The following USP6NL variants were observed in gnomAD, a reference collection of about 807,000 sequenced individuals.
USP6NL encodes USP6 N-terminal like.
Under a neutral mutation model 61.9 loss-of-function variants are expected in USP6NL, and 26 were observed. The ratio of observed to expected loss-of-function variants is 0.42; its 90% CI spans 0.31 to 0.58. The LOEUF is 0.58. Ranked by LOEUF, USP6NL falls within the 20% of genes least tolerant of loss-of-function variation. USP6NL has a pLI of 0.16. For missense variants in USP6NL, 1,114 were observed against 1,034.3 expected, an observed-to-expected ratio of 1.08 and a Z score of -1.06; for synonymous variants, 432 against 390.1, an observed-to-expected ratio of 1.11 and a Z score of -1.27.
chr10:11,566,762 A>T (rs910006473), intron 2 of USP6NL, among the ~76,000 whole-genome samples: 1 of 152,236 alleles, frequency 6.6e-6, no homozygotes, highest in African/African-American at 2.4e-5. Context: ...GAGAGTTCAG[A>T]CCATATTCTT....
chr10:11,462,467 A>C lies in USP6NL; in HGVS notation c.2461T>G (p.Ser821Ala). The C allele has an allele frequency of 6.2e-7, 1 of 1,613,692 alleles. No individual in the cohort carries two copies. The highest frequency in any genetic ancestry group is 8.5e-7 in the Non-Finnish European group (1 of 1,179,864). ...AYHYRNRDGL[S>A]IQESVLL ...CACAGCAACACTGACTCTTGGATGG[A>C]AAGCCCGTCCCGATTCCTGTAGTGG... Residue 821 changes from serine to alanine, a missense_variant, in exon 15 of 15, where the codon TCC becomes GCC. Coordinates refer to ENST00000609104, the MANE Select transcript of USP6NL (RefSeq NM_014688.5).
intron 2 of USP6NL, among the ~76,000 whole-genome samples, chr10:11,538,302 T>C (rs1345198773): frequency 6.6e-6 from 1 of 152,176 alleles, no homozygotes; most frequent in East Asian, 1.9e-4. Context: ...TGCTCCACCT[T>C]ACCACTGCCC....
chr10:11,554,342 C>T (rs1264274697), intron 2 of USP6NL, among the ~76,000 whole-genome samples: 2 of 152,200 alleles, frequency 1.3e-5, no homozygotes, highest in Admixed American at 1.3e-4. Context: ...AATCTGAGCC[C>T]TTTAACTCCT....
At chr10:11,593,988 A>AC (rs1056119662) in intron 2 of USP6NL, among the ~76,000 whole-genome samples, 5 of 152,218 alleles carry the variant, frequency 3.3e-5, no homozygotes, top group African/African-American at 7.2e-5. Flanking sequence ...CCAGAAAAAT[A>AC]TTGGGGGGGA....
intron 13 of USP6NL, among the ~76,000 whole-genome samples, chr10:11,484,156 T>G (rs897641857): frequency 6.6e-6 from 1 of 152,124 alleles, no homozygotes; most frequent in Non-Finnish European, 1.5e-5. Flanking sequence ...AACATGAAAC[T>G]ATGTGGTATG....
At chr10:11,599,358 A>T (rs1035346200) in intron 1 of USP6NL, among the ~76,000 whole-genome samples, 2 of 152,260 alleles carry the variant, frequency 1.3e-5, no homozygotes, top group Non-Finnish European at 2.9e-5. Context: ...TAAATTTAAA[A>T]CTCCTAAATG....
rs528212209 is a variant in USP6NL at position 11,520,740 on chromosome 10, G to A, written c.156-2166C>T. 3.9e-5 allele frequency among the ~76,000 whole-genome samples: 6 copies of A among 152,350 alleles called. No homozygotes were observed. The highest frequency in any genetic ancestry group is 7.3e-5 in the Non-Finnish European group (5 of 68,032). On this transcript the variant is annotated intron_variant, in intron 4 of 14. Transcript: ENST00000609104. The surrounding 1 kb of genome is among the most constrained non-coding windows in gnomAD (Gnocchi z 5.2). ...TTTTGTAACGTTTTAATGGAACGCT[G>A]TCACACTCTGCCATGAATGTATTGT...
chr10:11,592,934 G>C lies in USP6NL; in HGVS notation c.4+4697C>G, dbSNP rs1030592155. ...TTAGTCCCCTGCTCCAGTGAATGAAGGTCTTTACTCCTATACTATTAGAAA... is the reference window on the plus strand; with the variant it reads ...TTAGTCCCCTGCTCCAGTGAATGAACGTCTTTACTCCTATACTATTAGAAA... On this transcript the variant is annotated intron_variant, in intron 2 of 14. Coordinates refer to ENST00000609104, the MANE Select transcript of USP6NL (RefSeq NM_014688.5). This position sits in a 1 kb window ranked among gnomAD's most constrained non-coding sequence, Gnocchi z 4.7. Among the ~76,000 whole-genome samples the C allele has an allele frequency of 6.6e-6, 1 of 152,162 alleles. No individual in the cohort carries two copies. Among genetic ancestry groups the C allele is most frequent in the Non-Finnish European group, 1.5e-5 (1 of 68,026 alleles).
At chr10:11,588,304 C>G (rs1057175788) in intron 2 of USP6NL, among the ~76,000 whole-genome samples, 3 of 152,166 alleles carry the variant, frequency 2.0e-5, no homozygotes, top group Admixed American at 6.5e-5. Context: ...GGGAAACTAT[C>G]AACACTGGAA....
chr10:11,518,998 T>A lies in USP6NL; in HGVS notation c.156-424A>T, dbSNP rs79288021. On this transcript the variant is annotated intron_variant, in intron 4 of 14. Coordinates refer to ENST00000609104, the MANE Select transcript of USP6NL (RefSeq NM_014688.5). This position sits in a 1 kb window ranked among gnomAD's most constrained non-coding sequence, Gnocchi z 5.3. Reference sequence around the variant, plus strand: ...TGCTCCAGACTAGGAGTGAGCAAACTTCTTCTCGCAAGATAAATATTTAAA... The same window carrying A: ...TGCTCCAGACTAGGAGTGAGCAAACATCTTCTCGCAAGATAAATATTTAAA... Among the ~76,000 whole-genome samples the A allele has an allele frequency of 0.016, 2,397 of 152,322 alleles. 230 individuals are homozygous for A. The East Asian group carries it at 0.3, about 19-fold the overall frequency.
At chr10:11,529,730 A>G (rs1432188063) in intron 2 of USP6NL, among the ~76,000 whole-genome samples, 4 of 152,218 alleles carry the variant, frequency 2.6e-5, no homozygotes, top group Non-Finnish European at 4.4e-5. Flanking sequence ...TTTTAGACTT[A>G]CAAGCCTTTG....
chr10:11,464,677 C>T (rs571399828), intron 14 of USP6NL, among the ~76,000 whole-genome samples: 76 of 152,314 alleles, frequency 5.0e-4, no homozygotes, highest in African/African-American at 1.7e-3. Context: ...GAGCAAGCAG[C>T]GCATAGCATA....
rs141355655 is a variant in USP6NL, at chr10:11,558,402, C to T, written c.5-30835G>A. On this transcript the variant is annotated intron_variant, in intron 2 of 14. Transcript: ENST00000609104. Reference sequence around the variant, plus strand: ...CAACAAGTTCTCCCATGAGTGAATACATCCATTCCCAAAATGGTGAATGCT... The same window carrying T: ...CAACAAGTTCTCCCATGAGTGAATATATCCATTCCCAAAATGGTGAATGCT... Among the ~76,000 whole-genome samples, 7 of 152,320 alleles carry T rather than the reference C, an allele frequency of 4.6e-5. No individual in the cohort carries two copies. The East Asian group carries it at 1.3e-3, about 29-fold the overall frequency.
At position 11,597,712 on chromosome 10, in the gene USP6NL, C is replaced by T. The variant is rs1256148391; in HGVS notation, c.-78G>A. 1 of 1,130,304 alleles carries T rather than the reference C, an allele frequency of 8.8e-7. No homozygotes were observed. The highest frequency in any genetic ancestry group is 1.3e-6 in the Non-Finnish European group (1 of 763,400). 70.0% of individuals were successfully genotyped at this position (1,130,304 alleles called of 1,614,324 possible). A position where few individuals can be genotyped will look rare whatever the true frequency, so the allele number is the denominator to read the frequency against. ...CTGTCCAAGGTTTCTCAGAGGAATA[C>T]ATGTCCTAGTCAGGAAACAAAGAGA... On this transcript the variant is annotated 5_prime_UTR_variant, in exon 2 of 15. An upstream start codon of the reference 5' UTR is lost. Coordinates refer to ENST00000609104, the MANE Select transcript of USP6NL (RefSeq NM_014688.5). The surrounding 1 kb of genome is among the most constrained non-coding windows in gnomAD (Gnocchi z 4.6).
At chr10:11,609,387 C>T (rs1311266903) in intron 1 of USP6NL, among the ~76,000 whole-genome samples, 1 of 152,130 alleles carries the variant, frequency 6.6e-6, no homozygotes, top group Non-Finnish European at 1.5e-5. Flanking sequence ...TTTCAAAAAT[C>T]ACATTGAAGG....
chr10:11,604,866 T>C (rs1018189266), intron 1 of USP6NL, among the ~76,000 whole-genome samples: 1 of 152,154 alleles, frequency 6.6e-6, no homozygotes, highest in African/African-American at 2.4e-5. Context: ...TAATATGCTG[T>C]AATAAAAGGT....
At chr10:11,554,167 A>C (rs78608373) in intron 2 of USP6NL, among the ~76,000 whole-genome samples, 1 of 152,192 alleles carries the variant, frequency 6.6e-6, no homozygotes, top group Admixed American at 6.5e-5. Flanking sequence ...CAGAGTACAC[A>C]CAGAAGAAAG....
intron 2 of USP6NL, among the ~76,000 whole-genome samples, chr10:11,582,931 T>C (rs1040852917): frequency 6.7e-6 from 1 of 149,608 alleles, no homozygotes; most frequent in African/African-American, 2.5e-5. Context: ...ATTTCTTATG[T>C]ATCTAGTATG....
chr10:11,492,047 C>T (rs1591838541), intron 8 of USP6NL, among the ~76,000 whole-genome samples: 1 of 152,174 alleles, frequency 6.6e-6, no homozygotes, highest in African/African-American at 2.4e-5. Context: ...ATCTTAATAA[C>T]AGTCAGCTTT....
Sources: allele counts gnomAD v4.1 joint callset (sites outside exome capture counted in the v4.1 genomes callset), GRCh38; gene constraint gnomAD v4.1.1; non-coding constraint Gnocchi (gnomAD v3.1); transcripts MANE v1.5; gene names NCBI Gene and HGNC (gene_info 2026-07-23, HGNC 2026-07-21).